OR52N2: variants seen among roughly 807,000 people sequenced by gnomAD.
OR52N2 encodes the protein olfactory receptor family 52 subfamily N member 2, also known as olfactory receptor 52N2.
For synonymous variants in OR52N2, 129 were observed against 72.0 expected (o/e 1.79, Z -4.01); for missense variants, 326 against 196.6 (o/e 1.66, Z -3.94).
At chr11:5,817,597 A>G (rs1047839367) in intron 1 of OR52N2, among the ~76,000 whole-genome samples, 1 of 152,214 alleles carries the variant, frequency 6.6e-6, no homozygotes, top group Non-Finnish European at 1.5e-5. Context: ...CAGTATTTGC[A>G]CTAGTGAAGC....
chr11:5,817,916 G>A lies in OR52N2; in HGVS notation c.-54-2366G>A, dbSNP rs575491068. 2.0e-5 allele frequency among the ~76,000 whole-genome samples: 3 copies of A among 152,232 alleles called. No individual in the cohort carries two copies. The South Asian group carries it at 6.2e-4, about 32-fold the overall frequency. On this transcript the variant is annotated intron_variant, in intron 1 of 1. Transcript: ENST00000317037. Reference sequence around the variant, plus strand: ...TTAAATTTGGTACAGCTATTGGATGGAAAGAAGGTCTAGCTATTAAACTTT... The same window carrying A: ...TTAAATTTGGTACAGCTATTGGATGAAAAGAAGGTCTAGCTATTAAACTTT...
Position 5,820,298 on chromosome 11 carries a change from G to T in OR52N2, c.-38G>T, listed in dbSNP as rs1846435864. On this transcript the variant is annotated 5_prime_UTR_variant, in exon 2 of 2. Transcript: ENST00000317037. ...CTCTCCTAGGCAGAAAGCAATGGCT[G>T]CTAAAGAGTATAAAATGCTCTCCTC... The T allele has an allele frequency of 1.3e-6, 1 of 771,932 alleles. No homozygotes were observed. Among genetic ancestry groups the T allele is most frequent in the South Asian group, 1.4e-5 (1 of 72,960 alleles). The allele number at this position is 771,932 out of a possible 1,614,324, so 47.8% of individuals were successfully genotyped here. A position where few individuals can be genotyped will look rare whatever the true frequency, so the allele number is the denominator to read the frequency against.
At chr11:5,812,384 A>T (rs1337686832) in intron 1 of OR52N2, among the ~76,000 whole-genome samples, 2 of 150,506 alleles carry the variant, frequency 1.3e-5, no homozygotes, top group Non-Finnish European at 3.0e-5. Context: ...AGTCCCAGCT[A>T]CTCAGGAGGC....
rs751950385 is a variant in OR52N2 at position 5,820,798 on chromosome 11, G to T, written c.463G>T (p.Val155Leu). The T allele has an allele frequency of 2.6e-6, 2 of 774,264 alleles. No homozygotes were observed. Among genetic ancestry groups the T allele is most frequent in the Non-Finnish European group, 4.8e-6 (2 of 415,064 alleles). The allele number at this position is 774,264 out of a possible 1,614,324, so 48.0% of individuals were successfully genotyped here. The stretch of plus-strand genomic sequence containing the variant: ...TGGTCTTGCCACCTTCTTGAGGAAT[G>T]TGATGCTCATCATCCCATTCACTCT... Reference protein sequence around the residue: ...KAGLATFLRNVMLIIPFTLLT... With the variant: ...KAGLATFLRNLMLIIPFTLLT... The change falls in exon 2 of 2, where the codon GTG becomes TTG. Residue 155 changes from valine (V) to leucine (L), a missense_variant. Val to Leu is a conservative substitution (Grantham distance 32, BLOSUM62 1). Transcript: ENST00000317037.
chr11:5,813,802 C>T (rs187562714), intron 1 of OR52N2, among the ~76,000 whole-genome samples: 7 of 152,116 alleles, frequency 4.6e-5, no homozygotes, highest in African/African-American at 1.7e-4. Context: ...ATCAACAGCA[C>T]AGTAAAAGGA....
chr11:5,814,526 A>G (rs371374212), intron 1 of OR52N2, among the ~76,000 whole-genome samples: 8 of 152,224 alleles, frequency 5.3e-5, no homozygotes, highest in African/African-American at 1.7e-4. Context: ...TGCAAAAGCA[A>G]GAAACTTATA....
At chr11:5,817,452 C>T (rs1206710221) in intron 1 of OR52N2, among the ~76,000 whole-genome samples, 1 of 152,034 alleles carries the variant, frequency 6.6e-6, no homozygotes, top group Non-Finnish European at 1.5e-5. Context: ...TAAACACTAA[C>T]ACCTCCAATG....
Position 5,820,582 on chromosome 11 carries a change from A to G in OR52N2, c.247A>G (p.Met83Val), listed in dbSNP as rs752797782. The G allele has an allele frequency of 1.3e-6, 1 of 781,384 alleles. No homozygotes were observed. The highest frequency in any genetic ancestry group is 2.4e-6 in the Non-Finnish European group (1 of 418,540). The allele number at this position is 781,384 out of a possible 1,614,324, so 48.4% of individuals were successfully genotyped here. The change falls in exon 2 of 2, where the codon ATG becomes GTG. Residue 83 changes from methionine to valine, a missense_variant. Coordinates refer to ENST00000317037, the MANE Select transcript of OR52N2 (RefSeq NM_001005174.3). ...CTTGTGCACCACCATGGTACCTAAT[A>G]TGCTGTGCATATTCTGGTTCAACCT... is the stretch of plus-strand genomic sequence containing the variant. ...VTLCTTMVPN[M>V]LCIFWFNLKE...
chr11:5,814,048 A>G (rs1846383369), intron 1 of OR52N2, among the ~76,000 whole-genome samples: 1 of 152,208 alleles, frequency 6.6e-6, no homozygotes, highest in Non-Finnish European at 1.5e-5. Flanking sequence ...CCCACAGCTA[A>G]CATCATACTC....
intron 1 of OR52N2, among the ~76,000 whole-genome samples, chr11:5,812,494 C>A (rs1215486022): frequency 3.4e-3 from 357 of 104,016 alleles, no homozygotes; most frequent in African/African-American, 4.8e-3. Context: ...GACTCCATCT[C>A]AAAAAAAAAA....
At chr11:5,818,454 T>A (rs942596316) in intron 1 of OR52N2, among the ~76,000 whole-genome samples, 1 of 151,890 alleles carries the variant, frequency 6.6e-6, no homozygotes, top group Non-Finnish European at 1.5e-5. Context: ...AACAAAAAAT[T>A]TTATGTAAGA....
intron 1 of OR52N2, among the ~76,000 whole-genome samples, chr11:5,818,070 A>T (rs1177384933): frequency 6.6e-6 from 1 of 152,194 alleles, no homozygotes; most frequent in Non-Finnish European, 1.5e-5. Context: ...TATTATACAT[A>T]ATAATTATAA....
At chr11:5,813,948 A>G (rs1388658771) in intron 1 of OR52N2, among the ~76,000 whole-genome samples, 1 of 152,226 alleles carries the variant, frequency 6.6e-6, no homozygotes, top group African/African-American at 2.4e-5. Flanking sequence ...ATGCAGAAAA[A>G]GCATTTGACA....
chr11:5,814,535 T>C (rs1367961976), intron 1 of OR52N2, among the ~76,000 whole-genome samples: 1 of 152,102 alleles, frequency 6.6e-6, no homozygotes, highest in Non-Finnish European at 1.5e-5. Context: ...AAGAAACTTA[T>C]ATAATTAAAA....
chr11:5,820,309 TAA>T lies in OR52N2; in HGVS notation c.-24_-23del, dbSNP rs1219876914. On this transcript the variant is annotated 5_prime_UTR_variant, in exon 2 of 2. In the 5' UTR this introduces an upstream ATG that the reference lacks. Coordinates refer to ENST00000317037, the MANE Select transcript of OR52N2 (RefSeq NM_001005174.3). ...AGAAAGCAATGGCTGCTAAAGAGTA[TAA>T]AATGCTCTCCTCCTGTCAGCCATCA... 5.2e-6 allele frequency: 4 copies of T among 776,598 alleles called. No homozygotes were observed. Among genetic ancestry groups the T allele is most frequent in the Non-Finnish European group, 9.6e-6 (4 of 416,292 alleles). 48.1% of individuals were successfully genotyped at this position (776,598 alleles called of 1,614,324 possible). A position where few individuals can be genotyped will look rare whatever the true frequency, so the allele number is the denominator to read the frequency against.
rs114108720 is a variant in OR52N2 at position 5,811,595 on chromosome 11, C to T, written c.-55+2541C>T. Among the ~76,000 whole-genome samples, 704 of 151,836 alleles carry T rather than the reference C, an allele frequency of 4.6e-3. 5 individuals are homozygous for T. Among genetic ancestry groups the T allele is most frequent in the African/African-American group, 0.015 (640 of 41,362 alleles). On this transcript the variant is annotated intron_variant, in intron 1 of 1. Coordinates refer to ENST00000317037, the MANE Select transcript of OR52N2 (RefSeq NM_001005174.3). ...TGCACAAAATATAGAAAGTAAAGAA[C>T]GAAAGCACACTATTAGAGAAAATTA...
chr11:5,810,896 A>G (rs969840022), intron 1 of OR52N2, among the ~76,000 whole-genome samples: 7 of 152,088 alleles, frequency 4.6e-5, no homozygotes, highest in African/African-American at 1.7e-4. Flanking sequence ...TTTTGGGTTT[A>G]TGGTAAGAAC....
intron 1 of OR52N2, among the ~76,000 whole-genome samples, chr11:5,816,108 A>C (rs956355636): frequency 7.9e-5 from 12 of 152,184 alleles, no homozygotes; most frequent in Non-Finnish European, 1.3e-4. Flanking sequence ...ATTTATATAA[A>C]GTACCTAGAA....
At chr11:5,811,768 T>A (rs1328005592) in intron 1 of OR52N2, among the ~76,000 whole-genome samples, 1 of 152,158 alleles carries the variant, frequency 6.6e-6, no homozygotes, top group African/African-American at 2.4e-5. Context: ...TCAGAAGACA[T>A]AGATTTGCTG....
Sources: allele counts gnomAD v4.1 joint callset (sites outside exome capture counted in the v4.1 genomes callset), GRCh38; gene constraint gnomAD v4.1.1; transcripts MANE v1.5; gene names NCBI Gene and HGNC (gene_info 2026-07-23, HGNC 2026-07-21).